The following CRTAC1 variants were observed in gnomAD, a reference collection of about 807,000 sequenced individuals.
The protein encoded by CRTAC1 is acidic secreted protein in cartilage.
In CRTAC1, 37 loss-of-function variants were observed where a neutral mutation model predicts 67.8. The observed-to-expected ratio is 0.55, with a 90% CI of 0.42 to 0.72. The LOEUF (loss-of-function observed/expected upper bound fraction) is 0.72. Ranked by LOEUF, CRTAC1 falls within the 30% of genes least tolerant of loss-of-function variation. CRTAC1 has a pLI of 0.00. For missense variants in CRTAC1, 780 were observed against 931.6 expected (o/e 0.84, Z 2.12); for synonymous variants, 348 against 371.0 (o/e 0.94, Z 0.71).
intron 2 of CRTAC1, among the ~76,000 whole-genome samples, chr10:97,958,545 C>T (rs74885380): frequency 0.013 from 1,957 of 152,240 alleles, 50 homozygotes; most frequent in African/African-American, 0.044. Context: ...CGTTGACATC[C>T]CCTACCAGAG....
At chr10:97,878,746 AG>A (rs148843207) in intron 14 of CRTAC1, 716 of 1,294,756 alleles carry the variant, frequency 5.5e-4, no homozygotes, top group Non-Finnish European at 7.0e-4. Flanking sequence ...GACATTGAGG[AG>A]TCTTAGAAAG....
intron 2 of CRTAC1, among the ~76,000 whole-genome samples, chr10:97,991,887 T>C (rs1219908549): frequency 1.3e-5 from 2 of 152,354 alleles, no homozygotes; most frequent in Middle Eastern, 6.8e-3. Context: ...ATATCTGTTA[T>C]TTTACTATCT....
At chr10:98,016,094 C>T (rs1488430286) in intron 1 of CRTAC1, among the ~76,000 whole-genome samples, 2 of 152,104 alleles carry the variant, frequency 1.3e-5, no homozygotes, top group Non-Finnish European at 2.9e-5. Context: ...CAAGGAGTGA[C>T]AAAGAGGGAT....
intron 11 of CRTAC1, among the ~76,000 whole-genome samples, chr10:97,891,558 G>A (rs1256384981): frequency 2.0e-5 from 3 of 152,264 alleles, no homozygotes; most frequent in Non-Finnish European, 2.9e-5. Flanking sequence ...TGAGAGTCCC[G>A]TGTCCATCTG....
At chr10:97,955,937 C>T (rs1487411837) in intron 2 of CRTAC1, among the ~76,000 whole-genome samples, 1 of 152,222 alleles carries the variant, frequency 6.6e-6, no homozygotes, top group African/African-American at 2.4e-5. Flanking sequence ...CTTTGATAAT[C>T]ACACAGATTT....
chr10:97,876,064 T>C (rs750562048), intron 14 of CRTAC1, among the ~76,000 whole-genome samples: 10 of 152,188 alleles, frequency 6.6e-5, no homozygotes, highest in Non-Finnish European at 1.3e-4. Flanking sequence ...TTCAGATCAC[T>C]AGGCCTCCAG....
intron 5 of CRTAC1, 118 bp from the exon 6 acceptor site, chr10:97,908,265 G>T: frequency 9.3e-7 from 1 of 1,079,858 alleles, no homozygotes. Context: ...GAGGAGCCTG[G>T]GGGGAATTCT....
chr10:97,928,181 G>T (rs1388671556), intron 3 of CRTAC1, among the ~76,000 whole-genome samples: 3 of 146,676 alleles, frequency 2.0e-5, no homozygotes, highest in Non-Finnish European at 3.0e-5. Flanking sequence ...CTGGCATCTT[G>T]GCATTAAAGG....
rs376324491 is a variant in CRTAC1 at position 97,938,128 on chromosome 10, C to G, written c.225-1762G>C. Among the ~76,000 whole-genome samples the G allele has an allele frequency of 8.5e-5, 13 of 152,182 alleles. No homozygotes were observed. The East Asian group carries it at 2.1e-3, about 25-fold the overall frequency. ...GAGCTCCCTGGGGGCTGAGTCAGCG[C>G]CCGGTGATGGAAGGTCATGCCTTAG... On this transcript the variant is annotated intron_variant, in intron 2 of 14. Coordinates refer to ENST00000370597, the MANE Select transcript of CRTAC1 (RefSeq NM_018058.7).
At chr10:97,926,783 G>A (rs935173850) in intron 3 of CRTAC1, among the ~76,000 whole-genome samples, 4 of 152,174 alleles carry the variant, frequency 2.6e-5, no homozygotes, top group African/African-American at 4.8e-5. Flanking sequence ...CAGGGCTCTC[G>A]AGAAGGGACT....
chr10:97,937,942 G>A (rs1247342284), intron 2 of CRTAC1, among the ~76,000 whole-genome samples: 1 of 152,260 alleles, frequency 6.6e-6, no homozygotes, highest in Non-Finnish European at 1.5e-5. Context: ...GGCAGGAAGA[G>A]CTTTCTAAGG....
chr10:97,920,749 A>G (rs1275888209), intron 4 of CRTAC1, among the ~76,000 whole-genome samples: 1 of 152,216 alleles, frequency 6.6e-6, no homozygotes, highest in Non-Finnish European at 1.5e-5. Context: ...TCAGATGTTA[A>G]ATGGAGATCA....
At chr10:97,942,452 A>G (rs1367331791) in intron 2 of CRTAC1, among the ~76,000 whole-genome samples, 2 of 152,236 alleles carry the variant, frequency 1.3e-5, no homozygotes, top group East Asian at 3.8e-4. Context: ...AAGAGCTTTC[A>G]GCACCAAGAA....
chr10:97,884,294 C>G lies in CRTAC1; in HGVS notation c.1544G>C (p.Arg515Pro). 6.4e-7 allele frequency: 1 copy of G among 1,554,838 alleles called. No homozygotes were observed. The highest frequency in any genetic ancestry group is 2.4e-5 in the East Asian group (1 of 41,232). Residue 515 changes from arginine (R) to proline (P), a missense_variant, in exon 12 of 15, where the codon CGG (arginine) becomes CCG (proline). By Grantham distance (103) the Arg-to-Pro change is moderately radical. Transcript: ENST00000370597. Reference protein sequence around the residue: ...VTWPDGKMVSRNVASGEMNSV... With the variant: ...VTWPDGKMVSPNVASGEMNSV... Reference sequence around the variant, plus strand: ...GTTCATCTCCCCGCTGGCCACGTTCCGGCTCACCATCTTGCCATCTGGCCA... The same window carrying G: ...GTTCATCTCCCCGCTGGCCACGTTCGGGCTCACCATCTTGCCATCTGGCCA...
chr10:97,896,089 A>G (rs2050455176), intron 9 of CRTAC1, 104 bp from the exon 10 acceptor site: 3 of 1,008,980 alleles, frequency 3.0e-6, no homozygotes, highest in Middle Eastern at 2.1e-4. Context: ...CGTGGGAGCC[A>G]GAGAAAGCAC....
chr10:97,915,544 G>A (rs572498101), intron 5 of CRTAC1, among the ~76,000 whole-genome samples: 3 of 152,248 alleles, frequency 2.0e-5, no homozygotes, highest in East Asian at 1.9e-4. Context: ...GGTGCTGAGC[G>A]CTGGCCACGC....
intron 2 of CRTAC1, among the ~76,000 whole-genome samples, chr10:97,992,044 C>T (rs1463950865): frequency 6.6e-6 from 1 of 152,174 alleles, no homozygotes; most frequent in East Asian, 1.9e-4. Context: ...GAGCCTGTTC[C>T]ATGGCTCTGG....
intron 2 of CRTAC1, among the ~76,000 whole-genome samples, chr10:97,959,111 G>A (rs1192323213): frequency 6.6e-6 from 1 of 152,194 alleles, no homozygotes; most frequent in African/African-American, 2.4e-5. Flanking sequence ...AGGTCTGTGA[G>A]TTACCAGTAA....
intron 2 of CRTAC1, among the ~76,000 whole-genome samples, chr10:97,988,926 G>A (rs1258328028): frequency 1.3e-5 from 2 of 152,226 alleles, no homozygotes; most frequent in Non-Finnish European, 2.9e-5. Context: ...GAGGAGATCA[G>A]CATTTGAATC....
Sources: gnomAD v4.1 joint callset for allele counts (sites outside exome capture counted in the v4.1 genomes callset) on GRCh38, gnomAD v4.1.1 for gene constraint, MANE v1.5 for transcripts, NCBI Gene and HGNC (gene_info 2026-07-23, HGNC 2026-07-21) for gene names.